The following CDH2 variants were observed in gnomAD, a reference collection of about 807,000 sequenced individuals.
The protein encoded by CDH2 is cadherin 2, also known as cadherin-2.
In CDH2, 17 loss-of-function variants were observed where a neutral mutation model predicts 92.0. The ratio of observed to expected loss-of-function variants is 0.18; its 90% confidence interval spans 0.13 to 0.28. The LOEUF is 0.28. Ranked by LOEUF, CDH2 falls within the 10% of genes least tolerant of loss-of-function variation. The pLI is 1.00. For missense variants in CDH2, 862 were observed against 1,133.1 expected (o/e 0.76, Z 3.44); for synonymous variants, 419 against 415.9 (o/e 1.01, Z -0.09).
intron 2 of CDH2, among the ~76,000 whole-genome samples, chr18:28,049,728 A>G (rs1279525344): frequency 6.6e-6 from 1 of 152,248 alleles, no homozygotes; most frequent in Non-Finnish European, 1.5e-5. Context: ...CACATCCTGC[A>G]GACCTAGTCA....
intron 1 of CDH2, among the ~76,000 whole-genome samples, chr18:28,169,949 T>C (rs2016440149): frequency 6.6e-6 from 1 of 152,234 alleles, no homozygotes. Context: ...CACTTTCAAT[T>C]ACACTTCCAC....
chr18:27,969,315 C>T (rs1323194047), intron 14 of CDH2, among the ~76,000 whole-genome samples: 2 of 152,204 alleles, frequency 1.3e-5, no homozygotes, highest in Non-Finnish European at 2.9e-5. Context: ...AGCCAGTTTT[C>T]TACTTCCCAC....
intron 2 of CDH2, among the ~76,000 whole-genome samples, chr18:28,131,953 A>G (rs2015778770): frequency 6.6e-6 from 1 of 152,014 alleles, no homozygotes; most frequent in Non-Finnish European, 1.5e-5. Flanking sequence ...AAAGGCCAGG[A>G]CTCGTCAGGC....
chr18:27,962,334 G>A (rs2011427181), intron 15 of CDH2, among the ~76,000 whole-genome samples: 1 of 152,146 alleles, frequency 6.6e-6, no homozygotes, highest in African/African-American at 2.4e-5. Context: ...TATATTTTAG[G>A]AACAGACAGT....
intron 1 of CDH2, among the ~76,000 whole-genome samples, chr18:28,173,415 T>C (rs2016493036): frequency 1.3e-5 from 2 of 152,112 alleles, no homozygotes; most frequent in Admixed American, 6.5e-5. Flanking sequence ...GAACTTATGT[T>C]TCAAAAGCAC....
chr18:27,975,344 T>G (rs142400616), intron 14 of CDH2, among the ~76,000 whole-genome samples: 1 of 152,198 alleles, frequency 6.6e-6, no homozygotes, highest in African/African-American at 2.4e-5. Context: ...TCAGCTTCAG[T>G]CTCTCACAAG....
intron 9 of CDH2, 138 bp downstream of exon 9, chr18:27,992,517 A>G (rs962021590): frequency 4.7e-6 from 3 of 632,782 alleles, no homozygotes; most frequent in Non-Finnish European, 7.9e-6. Context: ...TAACCTCCCA[A>G]ATATATATCA....
At chr18:27,970,728 T>C (rs1051800420) in intron 14 of CDH2, among the ~76,000 whole-genome samples, 4 of 152,230 alleles carry the variant, frequency 2.6e-5, no homozygotes, top group South Asian at 2.1e-4. Flanking sequence ...TCTATAACAA[T>C]GTTCAACAAT....
At chr18:28,140,724 A>G (rs1469389137) in intron 2 of CDH2, among the ~76,000 whole-genome samples, 1 of 151,666 alleles carries the variant, frequency 6.6e-6, no homozygotes, top group African/African-American at 2.4e-5. Context: ...AGTAGTTCAA[A>G]AAGACTAAAA....
At chr18:27,997,878 C>A (rs17493542) in intron 7 of CDH2, among the ~76,000 whole-genome samples, 6 of 152,034 alleles carry the variant, frequency 3.9e-5, no homozygotes, top group Non-Finnish European at 8.8e-5. Context: ...ACAATCTCGG[C>A]TCACTGCAAG....
chr18:28,086,597 A>G (rs1451864172), intron 2 of CDH2, among the ~76,000 whole-genome samples: 1 of 152,120 alleles, frequency 6.6e-6, no homozygotes, highest in East Asian at 1.9e-4. Flanking sequence ...GACACTGACC[A>G]TGGTTCTAAA....
At chr18:28,172,094 TGTGTGTGTGC>T (rs2016473582) in intron 1 of CDH2, among the ~76,000 whole-genome samples, 1 of 151,758 alleles carries the variant, frequency 6.6e-6, no homozygotes, top group Non-Finnish European at 1.5e-5. Flanking sequence ...TGTGTGTGTG[TGTGTGTGTGC>T]GTGTGTGTAT....
chr18:28,012,179 A>G (rs1281940807), intron 3 of CDH2, among the ~76,000 whole-genome samples, 187 bp from the exon 4 acceptor site: 1 of 152,182 alleles, frequency 6.6e-6, no homozygotes, highest in Admixed American at 6.5e-5. Context: ...TTTGGGTTAT[A>G]CTGTGTATCT....
chr18:27,947,641 T>G (rs570252219), downstream of CDH2, among the ~76,000 whole-genome samples: 6 of 151,946 alleles, frequency 3.9e-5, no homozygotes, highest in South Asian at 1.0e-3. Context: ...ACAACTGTGA[T>G]GTAAGTATGT....
chr18:28,063,596 C>T (rs1038091308), intron 2 of CDH2, among the ~76,000 whole-genome samples: 11 of 152,160 alleles, frequency 7.2e-5, no homozygotes, highest in Non-Finnish European at 1.3e-4. Context: ...TTCACAGGGG[C>T]TCCCTTTCTC....
intron 2 of CDH2, among the ~76,000 whole-genome samples, chr18:28,112,991 A>AG (rs1250918579): frequency 2.0e-5 from 3 of 152,156 alleles, no homozygotes; most frequent in Non-Finnish European, 4.4e-5. Flanking sequence ...TAAGAATGCC[A>AG]GGGGGGTAGG....
At chr18:27,987,867 T>C (rs1251455658) in intron 11 of CDH2, among the ~76,000 whole-genome samples, 1 of 152,184 alleles carries the variant, frequency 6.6e-6, no homozygotes, top group African/African-American at 2.4e-5. Flanking sequence ...GGGGGTCCTG[T>C]AGAACTCCAG....
At chr18:28,087,331 T>C (rs11564400) in intron 2 of CDH2, among the ~76,000 whole-genome samples, 28,485 of 152,068 alleles carry the variant, frequency 0.19, 2,988 homozygotes, top group East Asian at 0.36. Context: ...GTAAACACAA[T>C]AAGCCCGCCT....
chr18:28,080,041 A>G (rs2014799113), intron 2 of CDH2, among the ~76,000 whole-genome samples: 2 of 152,176 alleles, frequency 1.3e-5, no homozygotes, highest in Non-Finnish European at 2.9e-5. Flanking sequence ...GCTTTCAGTG[A>G]CTAATGAGAG....
Sources: allele counts gnomAD v4.1 joint callset (sites outside exome capture counted in the v4.1 genomes callset), GRCh38; gene constraint gnomAD v4.1.1; transcripts MANE v1.5; gene names NCBI Gene and HGNC (gene_info 2026-07-23, HGNC 2026-07-21).